SNX29: variants seen among roughly 807,000 people sequenced by gnomAD.
SNX29 encodes sorting nexin 29, also known as sorting nexin-29.
Under a neutral mutation model 102.1 loss-of-function variants are expected in SNX29, and 78 were observed. The observed-to-expected ratio is 0.76, with a 90% CI of 0.64 to 0.92. SNX29 has a LOEUF of 0.92. Among genes scored for constraint, SNX29 ranks in the 40% least tolerant of loss-of-function variants. SNX29 has a pLI of 0.00. For missense variants in SNX29, 1,280 were observed against 1,061.7 expected (o/e 1.21, Z -2.86); for synonymous variants, 580 against 414.5 (o/e 1.40, Z -4.85).
intron 15 of SNX29, among the ~76,000 whole-genome samples, chr16:12,322,342 G>T (rs1045994623): frequency 1.3e-5 from 2 of 152,146 alleles, no homozygotes; most frequent in Admixed American, 6.5e-5. Flanking sequence ...GCAAGAGAGG[G>T]CAGGGAGGGG....
chr16:12,321,974 G>A (rs1567436245), intron 15 of SNX29, among the ~76,000 whole-genome samples: 1 of 152,172 alleles, frequency 6.6e-6, no homozygotes, highest in Non-Finnish European at 1.5e-5. Flanking sequence ...AGCACCTGTC[G>A]TGGTTCACGT....
At chr16:12,274,629 G>A (rs1449173440) in intron 14 of SNX29, among the ~76,000 whole-genome samples, 2 of 151,056 alleles carry the variant, frequency 1.3e-5, no homozygotes, top group Non-Finnish European at 2.9e-5. Flanking sequence ...CTCTGCCTCC[G>A]AGGCTCAAGC....
intron 13 of SNX29, chr16:12,135,824 T>A (rs1305304804): frequency 8.1e-6 from 3 of 371,106 alleles, no homozygotes; most frequent in Non-Finnish European, 1.5e-5. Flanking sequence ...TTGGAGCACG[T>A]GTATTTTCTC....
chr16:12,213,973 C>A (rs2077255605), intron 14 of SNX29, among the ~76,000 whole-genome samples: 1 of 152,090 alleles, frequency 6.6e-6, no homozygotes, highest in Non-Finnish European at 1.5e-5. Context: ...TGCTAAAGTC[C>A]CATCAAGCCA....
intron 8 of SNX29, among the ~76,000 whole-genome samples, chr16:12,055,578 G>C (rs1039034889): frequency 3.3e-5 from 5 of 152,098 alleles, no homozygotes; most frequent in African/African-American, 1.2e-4. Flanking sequence ...TGTGGGGCTG[G>C]GAAGTCCAAA....
chr16:12,268,609 C>A (rs1007927300), intron 14 of SNX29, among the ~76,000 whole-genome samples: 2 of 152,164 alleles, frequency 1.3e-5, no homozygotes, highest in Admixed American at 6.5e-5. Flanking sequence ...TGTAAAGTGT[C>A]CCAAATTTCC....
intron 15 of SNX29, among the ~76,000 whole-genome samples, chr16:12,291,224 G>A (rs142151483): frequency 3.3e-5 from 5 of 152,228 alleles, no homozygotes; most frequent in East Asian, 3.9e-4. Flanking sequence ...GCCCAAGACC[G>A]GGAAGAAAAA....
At chr16:12,345,608 C>T (rs933496113) in intron 15 of SNX29, among the ~76,000 whole-genome samples, 1 of 152,146 alleles carries the variant, frequency 6.6e-6, no homozygotes, top group Non-Finnish European at 1.5e-5. Context: ...CTGTTGTTGC[C>T]ACTACTACTG....
chr16:11,980,954 A>G (rs1373794953), intron 1 of SNX29, among the ~76,000 whole-genome samples: 7 of 143,390 alleles, frequency 4.9e-5, no homozygotes, highest in Non-Finnish European at 1.1e-4. Flanking sequence ...TTGTCTTTTC[A>G]TTTTCATTTT....
intron 18 of SNX29, among the ~76,000 whole-genome samples, chr16:12,463,818 G>GTGTA (rs1851023376): frequency 2.7e-5 from 1 of 36,974 alleles, no homozygotes; most frequent in African/African-American, 2.1e-4. Flanking sequence ...CCCGAAGTGA[G>GTGTA]TGTGTGTGTG....
chr16:12,191,655 G>A (rs937213330), intron 13 of SNX29, among the ~76,000 whole-genome samples: 6 of 152,222 alleles, frequency 3.9e-5, no homozygotes, highest in African/African-American at 1.2e-4. Flanking sequence ...AAAAGGTGGC[G>A]GGGTTGGAGT....
At chr16:12,005,529 C>T (rs1416128310) in intron 3 of SNX29, among the ~76,000 whole-genome samples, 8 of 152,134 alleles carry the variant, frequency 5.3e-5, no homozygotes, top group Admixed American at 4.6e-4. Context: ...ACTCCTCCTT[C>T]CTGGCCGGGT....
At chr16:12,240,209 G>C (rs567805597) in intron 14 of SNX29, among the ~76,000 whole-genome samples, 46 of 152,310 alleles carry the variant, frequency 3.0e-4, no homozygotes, top group Non-Finnish European at 5.1e-4. Flanking sequence ...GTAGGATTCT[G>C]ATTATTTCTC....
intron 18 of SNX29, among the ~76,000 whole-genome samples, chr16:12,434,719 C>T (rs1255199865): frequency 6.6e-6 from 1 of 152,112 alleles, no homozygotes; most frequent in Non-Finnish European, 1.5e-5. Flanking sequence ...GAAGGCCCTG[C>T]TGACCTCATC....
chr16:12,193,657 T>C (rs1299019073), intron 13 of SNX29, among the ~76,000 whole-genome samples: 3 of 152,236 alleles, frequency 2.0e-5, no homozygotes, highest in Non-Finnish European at 4.4e-5. Context: ...TGGTCCAGTT[T>C]TACTTAATAT....
At chr16:12,290,837 A>G (rs958900603) in intron 15 of SNX29, among the ~76,000 whole-genome samples, 1 of 152,142 alleles carries the variant, frequency 6.6e-6, no homozygotes, top group African/African-American at 2.4e-5. Context: ...CTCCCCTGCC[A>G]TGGTGATTCT....
chr16:12,535,634 C>CACTT (rs1201423683), intron 20 of SNX29, among the ~76,000 whole-genome samples: 15 of 152,178 alleles, frequency 9.9e-5, no homozygotes, highest in African/African-American at 3.6e-4. Context: ...CAACATGAAG[C>CACTT]ACTTACAGAG....
At chr16:12,300,528 C>T (rs527639618) in intron 15 of SNX29, among the ~76,000 whole-genome samples, 1 of 152,274 alleles carries the variant, frequency 6.6e-6, no homozygotes, top group South Asian at 2.1e-4. Context: ...TTACTTAGAT[C>T]TGTTAACCTC....
chr16:12,149,050 A>G lies in SNX29; in HGVS notation c.1595+19292A>G, dbSNP rs565188929. Among the ~76,000 whole-genome samples, 12 of 152,318 alleles carry G rather than the reference A, an allele frequency of 7.9e-5. 1 individual carries two copies. The South Asian group carries it at 2.3e-3, about 29-fold the overall frequency. ...GATAGATCTATTCCAAGGAGCCTGGACAATGCCTGGCACATAATAGAGCTC... is the reference window on the plus strand; with the variant it reads ...GATAGATCTATTCCAAGGAGCCTGGGCAATGCCTGGCACATAATAGAGCTC... On this transcript the variant is annotated intron_variant, in intron 13 of 20. Coordinates refer to ENST00000566228, the MANE Select transcript of SNX29 (RefSeq NM_032167.5).
Sources: allele counts gnomAD v4.1 joint callset (sites outside exome capture counted in the v4.1 genomes callset), GRCh38; gene constraint gnomAD v4.1.1; transcripts MANE v1.5; gene names NCBI Gene and HGNC (gene_info 2026-07-23, HGNC 2026-07-21).